The following GPR135 variants were observed in gnomAD, a reference collection of about 807,000 sequenced individuals.
GPR135 encodes G-protein coupled receptor 135.
GPR135 carries 17 observed loss-of-function variants against 15.0 expected under a neutral mutation model. The observed-to-expected ratio is 1.13, with a 90% CI of 0.78 to 1.70. The LOEUF is 1.70. GPR135 is among the 40% of genes most tolerant of loss of function. The pLI, the probability that GPR135 is intolerant of heterozygous loss-of-function variation, is 0.00. For synonymous variants in GPR135, 368 were observed against 349.4 expected (o/e 1.05, Z -0.59); for missense variants, 776 against 727.0 (o/e 1.07, Z -0.78).
chr14:59,455,957 C>G (rs1235654727), downstream of GPR135, among the ~76,000 whole-genome samples: 1 of 152,190 alleles, frequency 6.6e-6, no homozygotes, highest in African/African-American at 2.4e-5. Flanking sequence ...TGATATAGTT[C>G]TGGCAATAAG....
At chr14:59,457,402 C>T (rs1273787852), downstream of GPR135, among the ~76,000 whole-genome samples, 1 of 152,058 alleles carries the variant, frequency 6.6e-6, no homozygotes, top group African/African-American at 2.4e-5. Context: ...TCTTCAAATA[C>T]TTTTTCTGCT....
chr14:59,459,330 C>T (rs545105359), downstream of GPR135, among the ~76,000 whole-genome samples: 3 of 152,304 alleles, frequency 2.0e-5, no homozygotes, highest in African/African-American at 7.2e-5. Context: ...CTGTGACCTC[C>T]TAATAGGTGT....
downstream of GPR135, among the ~76,000 whole-genome samples, chr14:59,459,867 A>G (rs1381168415): frequency 3.9e-5 from 6 of 152,202 alleles, no homozygotes; most frequent in Non-Finnish European, 5.9e-5. Context: ...GAACAGAAGT[A>G]ATAGATAGCA....
Position 59,463,745 on chromosome 14 carries a change from GA to G in GPR135, c.1481del (p.Leu494ProfsTer10), listed in dbSNP as rs1888956554. 1 of 1,589,236 alleles carries G rather than the reference GA, an allele frequency of 6.3e-7. No homozygotes were observed. Among genetic ancestry groups the G allele is most frequent in the African/African-American group, 1.3e-5 (1 of 74,368 alleles). On this transcript the variant is annotated frameshift_variant, in exon 1 of 1. Coordinates refer to ENST00000395116, the MANE Select transcript of GPR135 (RefSeq NM_022571.6). LOFTEE classifies it high-confidence loss of function. Reference protein sequence around the residue: ...QPKSEAGDTSL With the variant: ...QPKSEAGDTSX The stretch of plus-strand genomic sequence containing the variant: ...TAAGCTGGCCATTCCAACCGTCTTA[GA>G]GGCTGGTATCCCCAGCTTCGGATTT...
intron 6 of GPR135, among the ~76,000 whole-genome samples, chr14:59,455,449 G>A (rs2139759650): frequency 6.6e-6 from 1 of 152,302 alleles, no homozygotes; most frequent in African/African-American, 2.4e-5. Flanking sequence ...AATGTTTCGT[G>A]AACCCATTCT....
At position 59,452,799 on chromosome 14, in the gene GPR135, T is replaced by C. The variant is rs965658812; in HGVS notation, c.*874+2885A>G. On this transcript the variant is annotated intron_variant and NMD_transcript_variant, in intron 6 of 6. Transcript: ENST00000481661. ...GTGCACACAGATGTTTATAGCAGCT[T>C]TATTAATAACTGCAAAATATTGGAA... Among the ~76,000 whole-genome samples the C allele has an allele frequency of 3.3e-5, 5 of 152,176 alleles. No homozygotes were observed. In the East Asian group the frequency reaches 9.6e-4, roughly 29 times the overall value.
At chr14:59,454,957 G>T (rs962110645) in intron 6 of GPR135, among the ~76,000 whole-genome samples, 1 of 152,000 alleles carries the variant, frequency 6.6e-6, no homozygotes, top group African/African-American at 2.4e-5. Flanking sequence ...AAAATTAGCC[G>T]GGCCTGGTGG....
intron 6 of GPR135, among the ~76,000 whole-genome samples, chr14:59,454,163 G>C (rs541145605): frequency 6.6e-6 from 1 of 152,326 alleles, no homozygotes; most frequent in South Asian, 2.1e-4. Flanking sequence ...GGGCACAATC[G>C]AATCAGCTGC....
intron 6 of GPR135, among the ~76,000 whole-genome samples, chr14:59,455,271 T>C (rs1033238043): frequency 6.6e-6 from 1 of 152,174 alleles, no homozygotes; most frequent in East Asian, 1.9e-4. Flanking sequence ...AAAGAGGACC[T>C]GCGTCTTGAT....
At position 59,465,109 on chromosome 14, in the gene GPR135, C is replaced by G; in HGVS notation, c.118G>C (p.Ala40Pro). The change falls in exon 1 of 1, where the codon GCC (alanine) becomes CCC (proline). Residue 40 changes from alanine to proline, a missense_variant. Ala to Pro is a conservative substitution (Grantham distance 27). Coordinates refer to ENST00000395116, the MANE Select transcript of GPR135 (RefSeq NM_022571.6). Reference protein sequence around the residue: ...PGGTSSAATAAVLSFSTVATA... With the variant: ...PGGTSSAATAPVLSFSTVATA... ...GCCACGGTGCTGAAGGAGAGCACGG[C>G]CGCCGTGGCCGCGGAGGAAGTCCCG... The G allele has an allele frequency of 7.2e-7, 1 of 1,382,244 alleles. No individual in the cohort carries two copies. 85.6% of individuals were successfully genotyped at this position (1,382,244 alleles called of 1,614,324 possible).
At chr14:59,460,480 C>A (rs553820224), downstream of GPR135, 2 of 152,268 alleles carry the variant, frequency 1.3e-5, no homozygotes, top group South Asian at 4.1e-4. Context: ...AGAGGCAGTA[C>A]AGAATAGCAG....
downstream of GPR135, among the ~76,000 whole-genome samples, chr14:59,457,442 A>G (rs1888694897): frequency 6.6e-6 from 1 of 152,090 alleles, no homozygotes; most frequent in Non-Finnish European, 1.5e-5. Flanking sequence ...TGGTAGTCAC[A>G]TTACACATAT....
Position 59,463,409 on chromosome 14 carries a change from T to C in GPR135, c.*333A>G, listed in dbSNP as rs1888940902. 2 of 270,320 alleles carry C rather than the reference T, an allele frequency of 7.4e-6. No homozygotes were observed. The highest frequency in any genetic ancestry group is 1.4e-4 in the South Asian group (2 of 14,600). The allele number at this position is 270,320 out of a possible 1,614,324, so 16.7% of individuals were successfully genotyped here. ...ATTCTGTGTAGTTGAACAATACTGG[T>C]TGCATTCAATGTTTTGTTTGTTTCA... On this transcript the variant is annotated 3_prime_UTR_variant, in exon 1 of 1. Transcript: ENST00000395116.
At chr14:59,459,096 T>C (rs1888764298), downstream of GPR135, 1 of 152,232 alleles carries the variant, frequency 6.6e-6, no homozygotes, top group East Asian at 1.9e-4. Flanking sequence ...TGTTTCTGCA[T>C]TTTCTATATG....
At chr14:59,457,031 G>A (rs939755751), downstream of GPR135, among the ~76,000 whole-genome samples, 16 of 152,232 alleles carry the variant, frequency 1.1e-4, no homozygotes, top group African/African-American at 2.9e-4. Context: ...GGCAGATGTA[G>A]GCAAGAGACT....
Position 59,465,296 on chromosome 14 carries a change from G to T in GPR135, c.-70C>A, listed in dbSNP as rs1889123980. 1.7e-6 allele frequency: 2 copies of T among 1,151,124 alleles called. No individual in the cohort carries two copies. Among genetic ancestry groups the T allele is most frequent in the African/African-American group, 1.6e-5 (1 of 62,268 alleles). 71.3% of individuals were successfully genotyped at this position (1,151,124 alleles called of 1,614,324 possible). A position where few individuals can be genotyped will look rare whatever the true frequency, so the allele number is the denominator to read the frequency against. On this transcript the variant is annotated 5_prime_UTR_variant, in exon 1 of 1. Transcript: ENST00000395116. The stretch of plus-strand genomic sequence containing the variant: ...CGGCGGCCGCTAGGTCGGAGTGGTG[G>T]CTCGGGGCCGGGGGCTAGCGGCCGC...
At chr14:59,456,208 C>A (rs751390255), downstream of GPR135, among the ~76,000 whole-genome samples, 1 of 151,904 alleles carries the variant, frequency 6.6e-6, no homozygotes, top group Non-Finnish European at 1.5e-5. Context: ...ACACAAATAA[C>A]CCCTAATGAG....
At chr14:59,453,380 A>C (rs1180721603) in intron 6 of GPR135, among the ~76,000 whole-genome samples, 2 of 152,242 alleles carry the variant, frequency 1.3e-5, no homozygotes, top group East Asian at 3.9e-4. Context: ...TTTGCTGTGA[A>C]CCTAAAGATG....
Position 59,464,696 on chromosome 14 carries a change from CGCG to C in GPR135, c.528_530del (p.Ala177del). 1 of 1,574,680 alleles carries C rather than the reference CGCG, an allele frequency of 6.4e-7. No homozygotes were observed. Among genetic ancestry groups the C allele is most frequent in the Middle Eastern group, 1.7e-4 (1 of 5,900 alleles). On this transcript the variant is annotated inframe_deletion, in exon 1 of 1. Coordinates refer to ENST00000395116, the MANE Select transcript of GPR135 (RefSeq NM_022571.6). ...CGGCGCAGAAGCCGCGCCAGGGCCC[CGCG>C]GCGGCGGCAGGCGCCGAACCCCCGG...
Sources: allele counts gnomAD v4.1 joint callset (sites outside exome capture counted in the v4.1 genomes callset), GRCh38; gene constraint gnomAD v4.1.1; transcripts MANE v1.5; gene names NCBI Gene and HGNC (gene_info 2026-07-23, HGNC 2026-07-21).